The following WWOX variants were observed in gnomAD, a reference collection of about 807,000 sequenced individuals.
WWOX encodes WW domain-containing oxidoreductase.
In WWOX, 69 loss-of-function variants were observed where a neutral mutation model predicts 46.2. That is an observed-to-expected ratio of 1.49 (90% CI 1.23 to 1.82). The LOEUF (loss-of-function observed/expected upper bound fraction) is 1.82. Ranked by LOEUF, WWOX falls within the 40% of genes most tolerant of loss-of-function variation. The pLI, the probability that WWOX is intolerant of heterozygous loss-of-function variation, is 0.00. For synonymous variants in WWOX, 359 were observed against 202.6 expected (o/e 1.77, Z -6.56); for missense variants, 919 against 542.6 (o/e 1.69, Z -6.89).
Position 79,189,021 on chromosome 16 carries a change from A to C in WWOX, c.1057-22587A>C, listed in dbSNP as rs577729488. On this transcript the variant is annotated intron_variant, in intron 8 of 8. Coordinates refer to ENST00000566780, the MANE Select transcript of WWOX (RefSeq NM_016373.4). ...AAAGCTTTTGGATTCTGTGTGGAAG[A>C]GTTGACAGAGATTTGCAGGTGAAAA... Among the ~76,000 whole-genome samples the C allele has an allele frequency of 2.0e-5, 3 of 146,836 alleles. No homozygotes were observed. The East Asian group carries it at 5.8e-4, about 28-fold the overall frequency.
At chr16:78,318,427 G>A (rs978478970) in intron 5 of WWOX, among the ~76,000 whole-genome samples, 5 of 152,022 alleles carry the variant, frequency 3.3e-5, no homozygotes, top group East Asian at 1.9e-4. Context: ...CGACAAGAGC[G>A]CAATTCTGTC....
intron 8 of WWOX, among the ~76,000 whole-genome samples, chr16:78,986,157 A>G (rs2046780614): frequency 6.6e-6 from 1 of 152,186 alleles, no homozygotes; most frequent in African/African-American, 2.4e-5. Flanking sequence ...TTCTGTCAGC[A>G]TTTCCCTAGG....
At chr16:78,465,354 CT>C (rs1317182756) in intron 8 of WWOX, among the ~76,000 whole-genome samples, 1 of 152,134 alleles carries the variant, frequency 6.6e-6, no homozygotes, top group African/African-American at 2.4e-5. Flanking sequence ...TTGCTATTTT[CT>C]TTTTTTAAGA....
rs949537000 is a variant in WWOX, at chr16:78,339,004, T to A, written c.517-47856T>A. 5.0e-5 allele frequency among the ~76,000 whole-genome samples: 6 copies of A among 120,454 alleles called. 1 individual carries two copies. The highest frequency in any genetic ancestry group is 8.4e-5 in the African/African-American group (3 of 35,674). The allele number at this position is 120,454 out of a possible 152,430, so 79.0% of individuals were successfully genotyped here. On this transcript the variant is annotated intron_variant, in intron 5 of 8. Transcript: ENST00000566780. The stretch of plus-strand genomic sequence containing the variant: ...AAGTAATTGCATGTAAACTGTTACT[T>A]CTTCATTTTCTAGTCTTAGATATTA...
At chr16:79,064,895 A>G (rs1367337729) in intron 8 of WWOX, among the ~76,000 whole-genome samples, 1 of 152,220 alleles carries the variant, frequency 6.6e-6, no homozygotes, top group Non-Finnish European at 1.5e-5. Flanking sequence ...GAGGATACTC[A>G]GTTTATAACG....
chr16:78,929,793 G>T (rs1046863637), intron 8 of WWOX, among the ~76,000 whole-genome samples: 8 of 152,176 alleles, frequency 5.3e-5, no homozygotes, highest in African/African-American at 1.9e-4. Context: ...TCTGACCTGG[G>T]GCAATGCCAT....
intron 8 of WWOX, among the ~76,000 whole-genome samples, chr16:78,900,073 T>C (rs1027338775): frequency 2.8e-5 from 3 of 108,138 alleles, no homozygotes; most frequent in African/African-American, 1.3e-4. Context: ...TTTTTTTTTT[T>C]TTTTTTCCTG....
chr16:79,204,817 C>T (rs1597475499), intron 8 of WWOX: 1 of 152,196 alleles, frequency 6.6e-6, no homozygotes, highest in African/African-American at 2.4e-5. Context: ...GGAAAGAATT[C>T]TTTCCAGCTT....
At chr16:78,541,427 G>T (rs866197354) in intron 8 of WWOX, among the ~76,000 whole-genome samples, 18 of 126,810 alleles carry the variant, frequency 1.4e-4, no homozygotes, top group African/African-American at 4.3e-4. Context: ...TGAGCCGAGA[G>T]CCCGCCACTG....
At chr16:79,021,155 G>A (rs1191877005) in intron 8 of WWOX, among the ~76,000 whole-genome samples, 10 of 152,150 alleles carry the variant, frequency 6.6e-5, no homozygotes, top group African/African-American at 1.9e-4. Context: ...GAATGAATTC[G>A]TGAATATGTT....
intron 8 of WWOX, among the ~76,000 whole-genome samples, chr16:79,090,675 A>G (rs1179348303): frequency 6.6e-6 from 1 of 152,058 alleles, no homozygotes; most frequent in African/African-American, 2.4e-5. Flanking sequence ...GCAAGGGAGG[A>G]GGGGACGGCA....
chr16:78,467,106 G>A (rs542664612), intron 8 of WWOX, among the ~76,000 whole-genome samples: 3 of 152,130 alleles, frequency 2.0e-5, no homozygotes, highest in Non-Finnish European at 2.9e-5. Flanking sequence ...AAAAATCTAT[G>A]TGCATTATAG....
At chr16:79,057,333 G>C (rs1429919544) in intron 8 of WWOX, among the ~76,000 whole-genome samples, 1 of 152,178 alleles carries the variant, frequency 6.6e-6, no homozygotes, top group East Asian at 1.9e-4. Context: ...ACTAGAATTT[G>C]GATGCAATTG....
chr16:78,160,628 G>C (rs1384675386), intron 4 of WWOX, among the ~76,000 whole-genome samples: 1 of 152,024 alleles, frequency 6.6e-6, no homozygotes, highest in Non-Finnish European at 1.5e-5. Context: ...TTATTGATTT[G>C]TAATTTAATT....
chr16:78,618,631 C>G (rs2046089272), intron 8 of WWOX, among the ~76,000 whole-genome samples: 1 of 152,136 alleles, frequency 6.6e-6, no homozygotes, highest in South Asian at 2.1e-4. Context: ...AAGTCTGGGA[C>G]ACAGTACGCT....
At chr16:78,658,821 G>C (rs1361150019) in intron 8 of WWOX, among the ~76,000 whole-genome samples, 1 of 151,864 alleles carries the variant, frequency 6.6e-6, no homozygotes, top group Non-Finnish European at 1.5e-5. Context: ...GCTGGGCACG[G>C]TGGCTCATGC....
At chr16:78,108,031 C>T (rs765880174) in intron 1 of WWOX, among the ~76,000 whole-genome samples, 3 of 151,744 alleles carry the variant, frequency 2.0e-5, no homozygotes, top group Admixed American at 6.6e-5. Flanking sequence ...CTGGCTCAAG[C>T]GATTCTCCTG....
At chr16:78,310,929 TCGGAGTGGATGCTTGGGAAG>T (rs2080230117) in intron 5 of WWOX, among the ~76,000 whole-genome samples, 4 of 152,166 alleles carry the variant, frequency 2.6e-5, no homozygotes. Flanking sequence ...AGGCTTGGCA[TCGGAGTGGATGCTTGGGAAG>T]CCCCAGAGAA....
chr16:79,164,915 G>C (rs2050561182), intron 8 of WWOX, among the ~76,000 whole-genome samples: 1 of 151,878 alleles, frequency 6.6e-6, no homozygotes, highest in Non-Finnish European at 1.5e-5. Context: ...ACAGAGAAGA[G>C]GCAAAGTGTG....
Sources: allele counts gnomAD v4.1 joint callset (sites outside exome capture counted in the v4.1 genomes callset), GRCh38; gene constraint gnomAD v4.1.1; transcripts MANE v1.5; gene names NCBI Gene and HGNC (gene_info 2026-07-23, HGNC 2026-07-21).